Variants in EIPR1 observed in about 807,000 individuals in gnomAD.
EIPR1 encodes EARP complex and GARP complex interacting protein 1, also known as EARP and GARP complex-interacting protein 1.
EIPR1 carries 25 observed loss-of-function variants against 48.1 expected under a neutral mutation model. That is an observed-to-expected ratio of 0.52 (90% CI 0.38 to 0.73). The LOEUF is 0.73. Among genes scored for constraint, EIPR1 ranks in the 30% least tolerant of loss-of-function variants. EIPR1 has a pLI of 0.00. For missense variants in EIPR1, 415 were observed against 506.2 expected (o/e 0.82, Z 1.73); for synonymous variants, 204 against 201.9 (o/e 1.01, Z -0.09).
At chr2:3,371,171 T>C (rs1266316353) in intron 1 of EIPR1, among the ~76,000 whole-genome samples, 2 of 152,134 alleles carry the variant, frequency 1.3e-5, no homozygotes, top group Non-Finnish European at 2.9e-5. Context: ...TAAAATACTT[T>C]ACAGACAAGC....
chr2:3,376,729 AAC>A (rs1295185419), intron 1 of EIPR1, among the ~76,000 whole-genome samples: 1 of 151,828 alleles, frequency 6.6e-6, no homozygotes, highest in African/African-American at 2.4e-5. Context: ...TTATATCTTT[AAC>A]ACATACTGCT....
At chr2:3,259,213 A>G (rs1220472218) in intron 3 of EIPR1, among the ~76,000 whole-genome samples, 1 of 152,222 alleles carries the variant, frequency 6.6e-6, no homozygotes, top group Non-Finnish European at 1.5e-5. Flanking sequence ...AAAATGAATG[A>G]AATACACAAG....
chr2:3,208,476 G>C (rs7584823), intron 5 of EIPR1: 3 of 1,509,814 alleles, frequency 2.0e-6, no homozygotes, highest in Non-Finnish European at 2.7e-6. Flanking sequence ...TCATCTGTCA[G>C]TTGGGAGGGG....
At chr2:3,361,885 C>T (rs1316223449) in intron 1 of EIPR1, among the ~76,000 whole-genome samples, 1 of 152,132 alleles carries the variant, frequency 6.6e-6, no homozygotes, top group African/African-American at 2.4e-5. Context: ...CCACCATCTG[C>T]ACACCCTGCA....
intron 3 of EIPR1, among the ~76,000 whole-genome samples, chr2:3,259,675 G>GT (rs1466509634): frequency 6.6e-6 from 1 of 152,174 alleles, no homozygotes; most frequent in Non-Finnish European, 1.5e-5. Context: ...TTCTAATGTT[G>GT]TAACAAAGAG....
chr2:3,197,893 G>T (rs1412766304), intron 5 of EIPR1, among the ~76,000 whole-genome samples: 1 of 152,220 alleles, frequency 6.6e-6, no homozygotes, highest in Non-Finnish European at 1.5e-5. Context: ...TGGCTGGTGA[G>T]GCGGGCCTGG....
At chr2:3,291,527 G>C (rs555251301) in intron 3 of EIPR1, among the ~76,000 whole-genome samples, 15 of 152,166 alleles carry the variant, frequency 9.9e-5, no homozygotes, top group African/African-American at 3.6e-4. Flanking sequence ...TCATAAAAAC[G>C]TCATAATTTA....
At chr2:3,227,452 G>T (rs1666099462) in intron 4 of EIPR1, among the ~76,000 whole-genome samples, 2 of 152,164 alleles carry the variant, frequency 1.3e-5, no homozygotes, top group East Asian at 3.9e-4. Context: ...TCTGGCAGAA[G>T]AAATTTCTAA....
chr2:3,292,923 T>C (rs1668413520), intron 3 of EIPR1, among the ~76,000 whole-genome samples: 1 of 151,774 alleles, frequency 6.6e-6, no homozygotes, highest in Non-Finnish European at 1.5e-5. Flanking sequence ...GACTGTCATT[T>C]GCAGAAAACG....
At chr2:3,313,866 A>T (rs1669202143) in intron 3 of EIPR1, among the ~76,000 whole-genome samples, 1 of 152,194 alleles carries the variant, frequency 6.6e-6, no homozygotes, top group African/African-American at 2.4e-5. Flanking sequence ...AGGAAGGCAG[A>T]GGCAAGAGGG....
At chr2:3,298,947 C>T (rs991358856) in intron 3 of EIPR1, among the ~76,000 whole-genome samples, 5 of 152,108 alleles carry the variant, frequency 3.3e-5, no homozygotes, top group South Asian at 2.1e-4. Flanking sequence ...TTACCTACCC[C>T]GCTCCTGCTC....
chr2:3,329,271 T>C (rs1364674599), intron 3 of EIPR1, among the ~76,000 whole-genome samples: 615 of 36,798 alleles, frequency 0.017, 16 homozygotes, highest in East Asian at 0.032. Flanking sequence ...GATCAGACTC[T>C]ACCCACCACA....
intron 6 of EIPR1, among the ~76,000 whole-genome samples, chr2:3,195,387 T>C (rs941016073): frequency 5.3e-5 from 8 of 152,228 alleles, no homozygotes; most frequent in African/African-American, 1.9e-4. Flanking sequence ...TGTAATTTGC[T>C]TCCTTTATCT....
chr2:3,196,857 C>T (rs1664826680), intron 6 of EIPR1, 24 bp downstream of exon 6: 3 of 1,610,818 alleles, frequency 1.9e-6, no homozygotes, highest in Non-Finnish European at 2.5e-6. Context: ...GGAAGTGGGG[C>T]CTGCGCCGGG....
intron 4 of EIPR1, among the ~76,000 whole-genome samples, chr2:3,220,428 A>T (rs1184633078): frequency 6.6e-6 from 1 of 151,974 alleles, no homozygotes. Flanking sequence ...TTATAGAGTC[A>T]GGTACATACA....
At chr2:3,295,933 CT>C (rs1668565790) in intron 3 of EIPR1, among the ~76,000 whole-genome samples, 1 of 88,370 alleles carries the variant, frequency 1.1e-5, no homozygotes, top group Non-Finnish European at 2.3e-5. Context: ...CCATCCTCTC[CT>C]TGCACACACA....
chr2:3,274,295 T>C (rs1268555151), intron 3 of EIPR1: 10 of 1,549,920 alleles, frequency 6.5e-6, no homozygotes, highest in Non-Finnish European at 8.7e-6. Flanking sequence ...CTGGACACAC[T>C]GTAGCACAAA....
intron 3 of EIPR1, among the ~76,000 whole-genome samples, chr2:3,315,031 C>T (rs2103314497): frequency 6.6e-6 from 1 of 151,188 alleles, no homozygotes; most frequent in Admixed American, 6.6e-5. Flanking sequence ...CACATGTCCC[C>T]ACCATCACCC....
At chr2:3,310,514 G>T (rs978047113) in intron 3 of EIPR1, among the ~76,000 whole-genome samples, 1 of 144,992 alleles carries the variant, frequency 6.9e-6, no homozygotes, top group Non-Finnish European at 1.5e-5. Flanking sequence ...TTAGCCGGGC[G>T]TAGTGGCGGG....
Sources: allele counts gnomAD v4.1 joint callset (sites outside exome capture counted in the v4.1 genomes callset), GRCh38; gene constraint gnomAD v4.1.1; transcripts MANE v1.5; gene names NCBI Gene and HGNC (gene_info 2026-07-23, HGNC 2026-07-21).